Variants in GLIS3 observed in about 807,000 individuals in gnomAD.
The protein encoded by GLIS3 is zinc finger protein GLIS3.
A neutral mutation model predicts 78.6 loss-of-function variants in GLIS3; 53 were observed. The ratio of observed to expected loss-of-function variants is 0.67; its 90% CI spans 0.54 to 0.85. The LOEUF (loss-of-function observed/expected upper bound fraction) is 0.85. GLIS3 is among the 40% of genes least tolerant of loss of function. GLIS3 has a pLI of 0.00. For synonymous variants in GLIS3, 684 were observed against 509.9 expected, an observed-to-expected ratio of 1.34 and a Z score of -4.60; for missense variants, 1,703 against 1,231.1, an observed-to-expected ratio of 1.38 and a Z score of -5.74.
intron 4 of GLIS3, among the ~76,000 whole-genome samples, chr9:4,108,134 T>C (rs1213211004): frequency 6.6e-6 from 1 of 152,310 alleles, no homozygotes; most frequent in South Asian, 2.1e-4. Context: ...AGAATTAAAG[T>C]AATATAGTAG....
At chr9:4,470,809 A>G in the GLIS3 span, among the ~76,000 whole-genome samples, 1 of 150,612 alleles carries the variant, frequency 6.6e-6, no homozygotes, top group African/African-American at 2.5e-5. Context: ...AGAGGAAGTC[A>G]AATTGTCCCT....
chr9:3,847,566 A>T (rs76446019), intron 9 of GLIS3, among the ~76,000 whole-genome samples: 2,963 of 152,296 alleles, frequency 0.019, 100 homozygotes, highest in African/African-American at 0.068. Context: ...GTGCACATGC[A>T]CTCATGCTTG....
chr9:4,125,942 C>T lies in GLIS3; in HGVS notation c.389-1G>A. 6.2e-7 allele frequency: 1 copy of T among 1,613,062 alleles called. No individual in the cohort carries two copies. The highest frequency in any genetic ancestry group is 1.1e-5 in the South Asian group (1 of 91,054). Reference sequence around the variant, plus strand: ...CACTGAGGCCCAAAGCCAAGAGCCCCTAAAAACAAATGAATCAGGTTAGCT... The same window carrying T: ...CACTGAGGCCCAAAGCCAAGAGCCCTTAAAAACAAATGAATCAGGTTAGCT... On this transcript the variant is annotated splice_acceptor_variant, in intron 2 of 10. Coordinates refer to ENST00000381971, the MANE Select transcript of GLIS3 (RefSeq NM_001042413.2). LOFTEE classifies it high-confidence loss of function.
intron 2 of GLIS3, among the ~76,000 whole-genome samples, chr9:4,234,883 C>G (rs1036323338): frequency 5.3e-5 from 8 of 152,184 alleles, no homozygotes; most frequent in Non-Finnish European, 1.2e-4. Flanking sequence ...AGTCCAAGCT[C>G]TTTGCTCCCT....
rs1554642314 is a variant in GLIS3 at position 4,265,904 on chromosome 9, T to TTTG, written c.388+20133_388+20134insCAA. Among the ~76,000 whole-genome samples the TTTG allele has an allele frequency of 5.9e-3, 449 of 76,358 alleles. 2 individuals carry two copies. Among genetic ancestry groups the TTTG allele is most frequent in the African/African-American group, 0.023 (401 of 17,544 alleles). The allele number at this position is 76,358 out of a possible 152,430, so 50.1% of individuals were successfully genotyped here. On this transcript the variant is annotated intron_variant, in intron 2 of 10. Transcript: ENST00000381971. Reference sequence around the variant, plus strand: ...TAAAATGCACTCACCCTGGTTTTTTTTTTGTTTGTCTGTTTGTTTGTTTGT... The same window carrying TTTG: ...TAAAATGCACTCACCCTGGTTTTTTTTTGTTTGTTTGTCTGTTTGTTTGTTTGT...
At chr9:3,932,596 C>G (rs1394081571) in intron 5 of GLIS3, 126 bp from the exon 6 acceptor site, 11 of 724,448 alleles carry the variant, frequency 1.5e-5, no homozygotes, top group Non-Finnish European at 2.2e-5. Flanking sequence ...GAAATGCTAG[C>G]TAATACTCAT....
chr9:4,471,991 C>A, the GLIS3 span, among the ~76,000 whole-genome samples: 1,075 of 152,216 alleles, frequency 7.1e-3, 16 homozygotes, highest in African/African-American at 0.024. Flanking sequence ...ATGCAGCCAA[C>A]AAACACATGA....
chr9:4,151,678 G>A (rs943470580), intron 2 of GLIS3, among the ~76,000 whole-genome samples: 1 of 152,088 alleles, frequency 6.6e-6, no homozygotes, highest in Non-Finnish European at 1.5e-5. Flanking sequence ...CTTCATCTTT[G>A]TTCTAAGGAA....
At chr9:4,261,188 T>C (rs796159713) in intron 2 of GLIS3, among the ~76,000 whole-genome samples, 41 of 152,326 alleles carry the variant, frequency 2.7e-4, no homozygotes, top group African/African-American at 9.4e-4. Context: ...ATCTGACTTC[T>C]ATCCATGAGT....
At chr9:4,487,591 C>G in the GLIS3 span, among the ~76,000 whole-genome samples, 1 of 151,986 alleles carries the variant, frequency 6.6e-6, no homozygotes, top group Admixed American at 6.6e-5. Context: ...CATAGTTCCT[C>G]AGATGCTTCC....
At chr9:4,261,039 G>A (rs529888771) in intron 2 of GLIS3, among the ~76,000 whole-genome samples, 1 of 152,178 alleles carries the variant, frequency 6.6e-6, no homozygotes, top group Admixed American at 6.5e-5. Flanking sequence ...TAAAGACAAT[G>A]TAGTACTAGA....
chr9:4,401,316 A>G, the GLIS3 span, among the ~76,000 whole-genome samples: 1 of 151,784 alleles, frequency 6.6e-6, no homozygotes, highest in Non-Finnish European at 1.5e-5. Context: ...CTGGAGTGCA[A>G]TGGTGTGATC....
chr9:4,072,840 T>A (rs781685932), intron 4 of GLIS3, among the ~76,000 whole-genome samples: 2 of 152,162 alleles, frequency 1.3e-5, no homozygotes, highest in African/African-American at 4.8e-5. Context: ...AACCTTGTAA[T>A]ACACATGAAC....
At chr9:4,207,500 T>G (rs1819988025) in intron 2 of GLIS3, among the ~76,000 whole-genome samples, 1 of 152,198 alleles carries the variant, frequency 6.6e-6, no homozygotes, top group Non-Finnish European at 1.5e-5. Context: ...AGGTTACAAA[T>G]CTGGGAGGAT....
At chr9:4,132,065 A>AG (rs1833020629) in intron 2 of GLIS3, among the ~76,000 whole-genome samples, 1 of 151,678 alleles carries the variant, frequency 6.6e-6, no homozygotes. Context: ...AAAAAAAAAA[A>AG]CAAAAAACCA....
intron 6 of GLIS3, among the ~76,000 whole-genome samples, chr9:3,925,445 A>G (rs1414227585): frequency 1.3e-5 from 2 of 151,968 alleles, no homozygotes; most frequent in Non-Finnish European, 2.9e-5. Context: ...TGCTGATGAG[A>G]AAAAAAATCG....
the GLIS3 span, among the ~76,000 whole-genome samples, chr9:4,433,042 A>C: frequency 6.6e-6 from 1 of 152,152 alleles, no homozygotes; most frequent in African/African-American, 2.4e-5. Flanking sequence ...TATAACCCTT[A>C]CCTATCTGCA....
intron 9 of GLIS3, among the ~76,000 whole-genome samples, chr9:3,830,360 G>A (rs1817973975): frequency 6.6e-6 from 1 of 152,074 alleles, no homozygotes; most frequent in African/African-American, 2.4e-5. Context: ...AGTATAATAT[G>A]CTTCTGAAAA....
chr9:4,333,354 G>GAAGGAAGGAAA (rs1473851550), intron 2 of GLIS3, among the ~76,000 whole-genome samples: 3 of 151,612 alleles, frequency 2.0e-5, no homozygotes, highest in Non-Finnish European at 2.9e-5. Context: ...AAAAGGGAAG[G>GAAGGAAGGAAA]AAGGAAGGAA....
Sources: allele counts gnomAD v4.1 joint callset (sites outside exome capture counted in the v4.1 genomes callset), GRCh38; gene constraint gnomAD v4.1.1; transcripts MANE v1.5; gene names NCBI Gene and HGNC (gene_info 2026-07-23, HGNC 2026-07-21).